The following NUBPL variants were observed in gnomAD, a reference collection of about 807,000 sequenced individuals.
The protein encoded by NUBPL is iron-sulfur cluster transfer protein NUBPL.
Under a neutral mutation model 45.7 loss-of-function variants are expected in NUBPL, and 31 were observed. The observed-to-expected ratio is 0.68, with a 90% CI of 0.51 to 0.92. The LOEUF is 0.92. Among genes scored for constraint, NUBPL ranks in the 40% least tolerant of loss-of-function variants. The pLI is 0.00. For missense variants in NUBPL, 401 were observed against 398.7 expected, an observed-to-expected ratio of 1.01 and a Z score of -0.05; for synonymous variants, 144 against 140.9, an observed-to-expected ratio of 1.02 and a Z score of -0.15.
chr14:31,673,289 C>A (rs553689079), intron 4 of NUBPL, 66 bp from the exon 5 acceptor site: 36 of 1,361,928 alleles, frequency 2.6e-5, no homozygotes, highest in East Asian at 2.4e-5. Flanking sequence ...GAAAAAAAAA[C>A]CCAATTCAGA....
intron 6 of NUBPL, among the ~76,000 whole-genome samples, chr14:31,763,434 T>G (rs1456712775): frequency 6.6e-6 from 1 of 152,154 alleles, no homozygotes; most frequent in Admixed American, 6.6e-5. Context: ...GTGCCCAAGT[T>G]TTAGCTTTAG....
intron 3 of NUBPL, among the ~76,000 whole-genome samples, chr14:31,566,269 T>A (rs976337824): frequency 6.6e-6 from 1 of 152,150 alleles, no homozygotes; most frequent in Non-Finnish European, 1.5e-5. Context: ...TTCTGATGCT[T>A]GGCTGTATAT....
At chr14:31,855,280 A>G (rs1595714081) in intron 10 of NUBPL, among the ~76,000 whole-genome samples, 1 of 152,246 alleles carries the variant, frequency 6.6e-6, no homozygotes, top group Non-Finnish European at 1.5e-5. Context: ...TTTCTTTATA[A>G]GTAGATGTTA....
chr14:31,565,054 T>C lies in NUBPL; in HGVS notation c.291+6T>C. The C allele has an allele frequency of 6.6e-7, 1 of 1,507,484 alleles. No homozygotes were observed. Among genetic ancestry groups the C allele is most frequent in the Non-Finnish European group, 9.1e-7 (1 of 1,095,162 alleles). 93.4% of individuals were successfully genotyped at this position (1,507,484 alleles called of 1,614,324 possible). ...CACTAGCAGCGAACGATTCGGTAGG[T>C]GTTTATTAATAGAAATATTAATTTA... is the stretch of plus-strand genomic sequence containing the variant. On this transcript the variant is annotated splice_donor_region_variant and intron_variant, in intron 3 of 10. Coordinates refer to ENST00000281081, the MANE Select transcript of NUBPL (RefSeq NM_025152.3).
intron 6 of NUBPL, among the ~76,000 whole-genome samples, chr14:31,737,196 T>G (rs972456916): frequency 6.6e-6 from 1 of 152,252 alleles, no homozygotes; most frequent in African/African-American, 2.4e-5. Context: ...CAGATTTATG[T>G]GTATTTTATT....
At chr14:31,856,607 A>G (rs2040624278) in intron 10 of NUBPL, among the ~76,000 whole-genome samples, 1 of 152,214 alleles carries the variant, frequency 6.6e-6, no homozygotes, top group Non-Finnish European at 1.5e-5. Context: ...TACTTCCTAG[A>G]TACAGTGGGG....
intron 7 of NUBPL, among the ~76,000 whole-genome samples, chr14:31,800,292 C>T (rs1051155744): frequency 3.3e-5 from 5 of 152,154 alleles, no homozygotes; most frequent in Non-Finnish European, 5.9e-5. Context: ...ATTTTGACCC[C>T]TGCCCATGAA....
intron 6 of NUBPL, among the ~76,000 whole-genome samples, chr14:31,774,214 A>G (rs17098166): frequency 0.032 from 4,915 of 152,278 alleles, 244 homozygotes; most frequent in African/African-American, 0.11. Context: ...CCTTGCTAGC[A>G]GAATAGAATG....
chr14:31,749,267 C>A (rs1035812065), intron 6 of NUBPL, among the ~76,000 whole-genome samples: 1 of 152,104 alleles, frequency 6.6e-6, no homozygotes, highest in African/African-American at 2.4e-5. Context: ...TTTGATTTCT[C>A]TCTTTTTCAG....
chr14:31,615,971 T>G, intron 4 of NUBPL, among the ~76,000 whole-genome samples: 1 of 152,226 alleles, frequency 6.6e-6, no homozygotes, highest in East Asian at 1.9e-4. Flanking sequence ...TTCTTGACTT[T>G]TAAATGATCG....
At chr14:31,720,574 C>G (rs1349190689) in intron 6 of NUBPL, among the ~76,000 whole-genome samples, 1 of 152,118 alleles carries the variant, frequency 6.6e-6, no homozygotes. Context: ...TGTTTCTTTT[C>G]CATTGCTTAG....
rs2082167 is a variant in NUBPL, at chr14:31,815,701, A to C, written c.608-10928A>C. Among the ~76,000 whole-genome samples the C allele has an allele frequency of 5.9e-5, 9 of 151,988 alleles. No individual in the cohort carries two copies. In the East Asian group the frequency reaches 1.7e-3, roughly 30 times the overall value. On this transcript the variant is annotated intron_variant, in intron 7 of 10. Transcript: ENST00000281081. ...GATAAATAGCTCTTATTATTTTGAG[A>C]TACATTCCATCAATACTTAGTTTAT... is the stretch of plus-strand genomic sequence containing the variant.
intron 4 of NUBPL, among the ~76,000 whole-genome samples, chr14:31,636,171 T>A (rs1467351531): frequency 6.6e-6 from 1 of 152,112 alleles, no homozygotes; most frequent in African/African-American, 2.4e-5. Flanking sequence ...CTTGTGTCCG[T>A]TTTCAAAGGG....
At position 31,846,576 on chromosome 14, in the gene NUBPL, G is replaced by T. The variant is rs1166771893; in HGVS notation, c.799G>T (p.Gly267Cys). The change falls in exon 9 of 11, where the codon GGT (glycine) becomes TGT (cysteine). Residue 267 changes from glycine to cysteine, a missense_variant. Transcript: ENST00000281081. ...DGARKLAQTLGLEVLGDIPLH... is the reference protein window; with the variant it reads ...DGARKLAQTLCLEVLGDIPLH... Reference sequence around the variant, plus strand: ...TGCAAGGAAACTAGCACAGACCCTTGGTCTTGAAGTTCTAGGTAAGACTGT... The same window carrying T: ...TGCAAGGAAACTAGCACAGACCCTTTGTCTTGAAGTTCTAGGTAAGACTGT... 1 of 1,613,426 alleles carries T rather than the reference G, an allele frequency of 6.2e-7. No individual in the cohort carries two copies. The highest frequency in any genetic ancestry group is 8.5e-7 in the Non-Finnish European group (1 of 1,179,810).
intron 3 of NUBPL, among the ~76,000 whole-genome samples, chr14:31,573,402 A>G (rs1391572165): frequency 2.6e-5 from 4 of 152,064 alleles, no homozygotes; most frequent in African/African-American, 7.2e-5. Flanking sequence ...ACCAGCTTGC[A>G]TATCTCTCCT....
intron 4 of NUBPL, among the ~76,000 whole-genome samples, chr14:31,671,606 C>T (rs559487468): frequency 2.6e-5 from 4 of 152,080 alleles, no homozygotes; most frequent in East Asian, 3.9e-4. Flanking sequence ...ACCGTGATAG[C>T]GAAAGGTTAT....
chr14:31,800,911 C>G (rs1043156779), intron 7 of NUBPL: 18 of 152,104 alleles, frequency 1.2e-4, no homozygotes, highest in African/African-American at 3.9e-4. Flanking sequence ...GACGGCAAAC[C>G]TTAAAATGAA....
At chr14:31,632,584 GA>G (rs951150232) in intron 4 of NUBPL, among the ~76,000 whole-genome samples, 6 of 151,990 alleles carry the variant, frequency 3.9e-5, no homozygotes, top group African/African-American at 1.4e-4. Flanking sequence ...TGAAATGAGA[GA>G]AAAAATAGTT....
At chr14:31,853,085 T>TGTTGTGTTG (rs1566599739) in intron 10 of NUBPL, among the ~76,000 whole-genome samples, 1 of 62,874 alleles carries the variant, frequency 1.6e-5, no homozygotes, top group African/African-American at 9.6e-5. Flanking sequence ...GTGTTGTGTT[T>TGTTGTGTTG]TGTTTTGTTT....
Sources: allele counts gnomAD v4.1 joint callset (sites outside exome capture counted in the v4.1 genomes callset), GRCh38; gene constraint gnomAD v4.1.1; transcripts MANE v1.5; gene names NCBI Gene and HGNC (gene_info 2026-07-23, HGNC 2026-07-21).